The following PLIN4 variants were observed in gnomAD, a reference collection of about 807,000 sequenced individuals.
PLIN4 encodes perilipin-4.
In PLIN4, 57 loss-of-function variants were observed where a neutral mutation model predicts 52.4. That is an observed-to-expected ratio of 1.09 (90% CI 0.88 to 1.36). The LOEUF (loss-of-function observed/expected upper bound fraction) is 1.36. PLIN4 is among the 40% of genes most tolerant of loss of function. The probability of loss-of-function intolerance (pLI) is 0.00; values close to 1 mark genes in which losing one functional copy is unlikely to be tolerated. For synonymous variants in PLIN4, 826 were observed against 785.4 expected, an observed-to-expected ratio of 1.05 and a Z score of -0.86; for missense variants, 1,757 against 1,770.3, an observed-to-expected ratio of 0.99 and a Z score of 0.13.
chr19:4,512,481 A>G lies in PLIN4; in HGVS notation c.1479T>C (p.Ser493=), dbSNP rs771769658. ...AVQGGLDTTK[S]VLTGTKDAVS... ...CAGCATCTTTAGTGCCAGTCAGGAC[A>G]GACTTTGTAGTGTCCAGGCCGCCCT... The change falls in exon 5 of 8, where the codon TCT becomes TCC. Residue 493 remains serine (S), a synonymous_variant. Coordinates refer to ENST00000301286, the MANE Select transcript of PLIN4 (RefSeq NM_001367868.2). 6.2e-7 allele frequency: 1 copy of G among 1,605,262 alleles called. No individual in the cohort carries two copies. Among genetic ancestry groups the G allele is most frequent in the South Asian group, 1.1e-5 (1 of 90,022 alleles).
rs142876303 is a variant in PLIN4, at chr19:4,517,690, G to A, written c.60C>T (p.Gly20=). The change falls in exon 3 of 8, where the codon GGC becomes GGT. Residue 20 remains glycine (G), a synonymous_variant. Coordinates refer to ENST00000301286, the MANE Select transcript of PLIN4 (RefSeq NM_001367868.2). Reference sequence around the variant, plus strand: ...AGCCAGGCAGGGACCCAAAGAAGCTGCCCAGGGTCTGCATGGGGGCGGGGG... The same window carrying A: ...AGCCAGGCAGGGACCCAAAGAAGCTACCCAGGGTCTGCATGGGGGCGGGGG... ...DPPKPKGKTL[G]SFFGSLPGFS... is the part of the protein sequence containing the mutation. The A allele has an allele frequency of 2.1e-4, 329 of 1,592,036 alleles. No homozygotes were observed. Among genetic ancestry groups the A allele is most frequent in the Non-Finnish European group, 2.5e-4 (297 of 1,169,874 alleles).
At chr19:4,515,026 A>G (rs1359089796) in intron 4 of PLIN4, among the ~76,000 whole-genome samples, 1 of 151,090 alleles carries the variant, frequency 6.6e-6, no homozygotes. Flanking sequence ...AAATACAAAA[A>G]TTAGCCAGGC....
intron 6 of PLIN4, among the ~76,000 whole-genome samples, chr19:4,506,047 C>A (rs1568225852): frequency 6.6e-6 from 1 of 152,144 alleles, no homozygotes; most frequent in Admixed American, 6.5e-5. Context: ...CCCGGCAGCA[C>A]TTGCCTGGGT....
chr19:4,507,708 C>T (rs577585701), intron 6 of PLIN4, among the ~76,000 whole-genome samples: 25 of 152,174 alleles, frequency 1.6e-4, no homozygotes, highest in Admixed American at 2.6e-4. Context: ...AAAACATAAA[C>T]CCCTAGAGCA....
At chr19:4,508,626 A>G (rs1976172249) in intron 6 of PLIN4, 142 bp downstream of exon 6, 6 of 973,210 alleles carry the variant, frequency 6.2e-6, no homozygotes, top group Admixed American at 3.0e-5. Flanking sequence ...GGCAAGCCCC[A>G]TGAGTACAGA....
At chr19:4,505,249 C>T (rs923476585) in intron 6 of PLIN4, among the ~76,000 whole-genome samples, 4 of 152,206 alleles carry the variant, frequency 2.6e-5, no homozygotes, top group Non-Finnish European at 4.4e-5. Flanking sequence ...TCACCATGGC[C>T]TTGGTGGGCT....
rs1568221716 is a variant in PLIN4, at chr19:4,502,332, AGCGACT to A, written c.*2121_*2126del. ...GTTGAGCCATCAGGCCACCGTGAGA[AGCGACT>A]AAAAGGCACTCTGGGCCCAGCCCAA... is the stretch of plus-strand genomic sequence containing the variant. On this transcript the variant is annotated 3_prime_UTR_variant, in exon 8 of 8. Coordinates refer to ENST00000301286, the MANE Select transcript of PLIN4 (RefSeq NM_001367868.2). 1 of 408,284 alleles carries A rather than the reference AGCGACT, an allele frequency of 2.4e-6. No homozygotes were observed. The highest frequency in any genetic ancestry group is 4.5e-6 in the Non-Finnish European group (1 of 220,992). The allele number at this position is 408,284 out of a possible 1,614,324, so 25.3% of individuals were successfully genotyped here. A position where few individuals can be genotyped will look rare whatever the true frequency, so the allele number is the denominator to read the frequency against.
chr19:4,508,728 GT>G (rs1373208568), intron 6 of PLIN4, 39 bp downstream of exon 6: 1 of 1,531,932 alleles, frequency 6.5e-7, no homozygotes, highest in Non-Finnish European at 8.8e-7. Flanking sequence ...GTTCTAAGAA[GT>G]GCCCTGGGGA....
chr19:4,516,504 C>T, intron 4 of PLIN4, 113 bp downstream of exon 4: 1 of 1,293,498 alleles, frequency 7.7e-7, no homozygotes, highest in East Asian at 2.6e-5. Context: ...ATAGCAGGAA[C>T]TGAAATGTCC....
intron 2 of PLIN4, 127 bp from the exon 3 acceptor site, chr19:4,517,825 G>T: frequency 7.9e-7 from 1 of 1,263,980 alleles, no homozygotes; most frequent in African/African-American, 1.5e-5. Flanking sequence ...TCAGGAAAGT[G>T]TTTCAGCCAC....
rs756341953 is a variant in PLIN4, at chr19:4,513,447, C to T, written c.513G>A (p.Thr171=). The change falls in exon 5 of 8, where the codon ACG becomes ACA. Residue 171 remains threonine, a synonymous_variant. Transcript: ENST00000301286. ...CTGCCCCCGTGAGCCCAGTGGACACCGTGTCCTTGGTGCCGGTGAGGACAG... is the reference window on the plus strand; with the variant it reads ...CTGCCCCCGTGAGCCCAGTGGACACTGTGTCCTTGGTGCCGGTGAGGACAG... ...SKAVLTGTKD[T]VSTGLTGAVN... The T allele has an allele frequency of 5.0e-6, 8 of 1,613,124 alleles. No homozygotes were observed. Among genetic ancestry groups the T allele is most frequent in the Admixed American group, 3.3e-5 (2 of 59,984 alleles).
chr19:4,504,217 G>A lies in PLIN4; in HGVS notation c.*242C>T, dbSNP rs1003733372. The A allele has an allele frequency of 2.9e-5, 13 of 446,934 alleles. No homozygotes were observed. Among genetic ancestry groups the A allele is most frequent in the Middle Eastern group, 5.6e-4 (1 of 1,782 alleles). 27.7% of individuals were successfully genotyped at this position (446,934 alleles called of 1,614,324 possible). A position where few individuals can be genotyped will look rare whatever the true frequency, so the allele number is the denominator to read the frequency against. Reference sequence around the variant, plus strand: ...GGTGGTCTGAGTGACCCCAGGCTCCGAGAGGGGCAGGCAGCGCTGGGGAGG... The same window carrying A: ...GGTGGTCTGAGTGACCCCAGGCTCCAAGAGGGGCAGGCAGCGCTGGGGAGG... On this transcript the variant is annotated 3_prime_UTR_variant, in exon 8 of 8. Coordinates refer to ENST00000301286, the MANE Select transcript of PLIN4 (RefSeq NM_001367868.2).
At chr19:4,517,346 G>A (rs866078405) in intron 3 of PLIN4, among the ~76,000 whole-genome samples, 6 of 152,244 alleles carry the variant, frequency 3.9e-5, no homozygotes, top group Middle Eastern at 6.8e-3. Flanking sequence ...AGGGAGACAG[G>A]CTGGGTTGAA....
In PLIN4 at chr19:4,510,874, G is replaced by T. The variant is rs558202117; in HGVS notation, c.3086C>A (p.Ala1029Glu). The T allele has an allele frequency of 1.9e-6, 3 of 1,613,714 alleles. No individual in the cohort carries two copies. Among genetic ancestry groups the T allele is most frequent in the Non-Finnish European group, 2.5e-6 (3 of 1,179,864 alleles). ...TKTVLTGTKDAVSAGLMGSGN... is the reference protein window; with the variant it reads ...TKTVLTGTKDEVSAGLMGSGN... ...TGACCCCATGAGCCCAGCGGACACT[G>T]CGTCTTTGGTTCCGGTCAGCACTGT... The change falls in exon 5 of 8, where the codon GCA (alanine) becomes GAA (glutamate). Residue 1029 changes from alanine (A) to glutamate (E), a missense_variant. Physicochemically the swap from Ala to Glu is moderately radical, Grantham distance 107 (BLOSUM62 -1). Around this residue, in one of 7 missense-constraint regions of PLIN4, gnomAD observed 712 missense variants for 637.1 expected, o/e 1.12. Coordinates refer to ENST00000301286, the MANE Select transcript of PLIN4 (RefSeq NM_001367868.2).
chr19:4,502,333 G>C lies in PLIN4; in HGVS notation c.*2126C>G, dbSNP rs564412862. The C allele has an allele frequency of 3.0e-5, 12 of 402,930 alleles. No homozygotes were observed. The highest frequency in any genetic ancestry group is 2.5e-4 in the African/African-American group (12 of 47,720). The allele number at this position is 402,930 out of a possible 1,614,324, so 25.0% of individuals were successfully genotyped here. A position where few individuals can be genotyped will look rare whatever the true frequency, so the allele number is the denominator to read the frequency against. On this transcript the variant is annotated 3_prime_UTR_variant, in exon 8 of 8. Transcript: ENST00000301286. ...TTGAGCCATCAGGCCACCGTGAGAA[G>C]CGACTAAAAGGCACTCTGGGCCCAG... is the stretch of plus-strand genomic sequence containing the variant.
rs1976337494 is a variant in PLIN4 at position 4,511,474 on chromosome 19, T to G, written c.2486A>C (p.Lys829Thr). 1 of 1,543,474 alleles carries G rather than the reference T, an allele frequency of 6.5e-7. No homozygotes were observed. Among genetic ancestry groups the G allele is most frequent in the Non-Finnish European group, 8.9e-7 (1 of 1,125,330 alleles). ...DTAKTVLTGT[K>T]DTVCSGVTGA... ...GGTGACCCCACTGCAGACAGTGTCC[T>G]TGGTACCGGTCAGCACGGTCTTGGC... The change falls in exon 5 of 8, where the codon AAG becomes ACG. Residue 829 changes from lysine (K) to threonine (T), a missense_variant. Lys to Thr is a moderately conservative substitution (Grantham distance 78). Around this residue, in one of 7 missense-constraint regions of PLIN4, gnomAD observed 76 missense variants for 109.1 expected, o/e 0.70. Transcript: ENST00000301286.
chr19:4,516,453 C>T (rs544183403), intron 4 of PLIN4, among the ~76,000 whole-genome samples, 164 bp downstream of exon 4: 1 of 152,328 alleles, frequency 6.6e-6, no homozygotes, highest in South Asian at 2.1e-4. Flanking sequence ...CTGGGATCCC[C>T]AGGCTGTCTG....
Position 4,512,120 on chromosome 19 carries a change from C to T in PLIN4, c.1840G>A (p.Gly614Arg), listed in dbSNP as rs1445150097. The T allele has an allele frequency of 1.9e-6, 3 of 1,607,948 alleles. No homozygotes were observed. The highest frequency in any genetic ancestry group is 2.5e-6 in the Non-Finnish European group (3 of 1,178,716). Residue 614 changes from glycine to arginine, a missense_variant, in exon 5 of 8, where the codon GGG (glycine) becomes AGG (arginine). Gly to Arg is a moderately radical substitution (Grantham distance 125). Transcript: ENST00000301286. ...GTGTCCATGCCTGTCTGGACGGTCC[C>T]TTTGGCGACATTCACTGCCCCCACG... The part of the protein sequence containing the change: ...GLVGAVNVAK[G>R]TVQTGMDTTK...
chr19:4,516,015 C>T (rs962165501), intron 4 of PLIN4, among the ~76,000 whole-genome samples: 2 of 152,132 alleles, frequency 1.3e-5, no homozygotes, highest in African/African-American at 4.8e-5. Flanking sequence ...TGGCTAATGC[C>T]TGTAATCCCA....
Sources: gnomAD v4.1 joint callset for allele counts (sites outside exome capture counted in the v4.1 genomes callset) on GRCh38, gnomAD v4.1.1 for gene constraint, gnomAD v4.1.1 regional missense constraint, MANE v1.5 for transcripts, NCBI Gene and HGNC (gene_info 2026-07-23, HGNC 2026-07-21) for gene names.